The following MARCHF1 variants were observed in gnomAD, a reference collection of about 807,000 sequenced individuals.
The protein encoded by MARCHF1 is E3 ubiquitin-protein ligase MARCHF1.
Under a neutral mutation model 54.2 loss-of-function variants are expected in MARCHF1, and 40 were observed. The observed-to-expected ratio is 0.74, with a 90% CI of 0.57 to 0.96. The LOEUF is 0.96. MARCHF1 is among the 40% of genes least tolerant of loss of function. The pLI, the probability that MARCHF1 is intolerant of heterozygous loss-of-function variation, is 0.00. For synonymous variants in MARCHF1, 236 were observed against 236.3 expected (o/e 1.00, Z 0.01); for missense variants, 586 against 656.5 (o/e 0.89, Z 1.17).
chr4:164,199,078 G>A (rs549722119), intron 1 of MARCHF1, among the ~76,000 whole-genome samples: 3 of 152,242 alleles, frequency 2.0e-5, no homozygotes, highest in African/African-American at 7.2e-5. Context: ...TTACTGATGT[G>A]TGCTCAGATT....
intron 2 of MARCHF1, among the ~76,000 whole-genome samples, chr4:164,079,316 A>T (rs1343940781): frequency 6.6e-6 from 1 of 152,208 alleles, no homozygotes; most frequent in Non-Finnish European, 1.5e-5. Flanking sequence ...CTGAACAAAA[A>T]TGAAAAAGTT....
At chr4:164,003,150 A>G (rs1435734711) in intron 2 of MARCHF1, among the ~76,000 whole-genome samples, 1 of 152,012 alleles carries the variant, frequency 6.6e-6, no homozygotes, top group Non-Finnish European at 1.5e-5. Context: ...GAGGGCAATC[A>G]GTTAAATATT....
intron 7 of MARCHF1, among the ~76,000 whole-genome samples, chr4:163,587,582 C>G (rs1003442577): frequency 6.6e-6 from 1 of 151,992 alleles, no homozygotes; most frequent in Non-Finnish European, 1.5e-5. Flanking sequence ...CAGAGGGACA[C>G]AAAGATGGAA....
chr4:164,158,351 G>T (rs1044622639), intron 1 of MARCHF1, among the ~76,000 whole-genome samples: 2 of 152,052 alleles, frequency 1.3e-5, no homozygotes, highest in Admixed American at 1.3e-4. Flanking sequence ...AATATGGAGA[G>T]TGATAAAAGG....
chr4:163,887,759 C>A (rs1750571545), intron 3 of MARCHF1, among the ~76,000 whole-genome samples: 1 of 152,112 alleles, frequency 6.6e-6, no homozygotes, highest in African/African-American at 2.4e-5. Flanking sequence ...AAGTCAACAT[C>A]TTTAGTCCTT....
intron 4 of MARCHF1, among the ~76,000 whole-genome samples, chr4:163,789,107 T>C (rs1327915255): frequency 2.6e-5 from 4 of 152,074 alleles, no homozygotes. Flanking sequence ...CTCTTTTTCA[T>C]TTATGTATGT....
At chr4:163,793,750 CG>C (rs1747832999) in intron 4 of MARCHF1, among the ~76,000 whole-genome samples, 1 of 152,100 alleles carries the variant, frequency 6.6e-6, no homozygotes, top group Non-Finnish European at 1.5e-5. Flanking sequence ...TGTGAAAATC[CG>C]TGTCCTGTTC....
chr4:163,707,119 T>A (rs1436353600), intron 4 of MARCHF1, among the ~76,000 whole-genome samples: 2 of 152,086 alleles, frequency 1.3e-5, no homozygotes, highest in African/African-American at 4.8e-5. Context: ...TCTTAAATGT[T>A]AAAGATTAAA....
chr4:164,028,065 AAAATAAT>A lies in MARCHF1; in HGVS notation c.-247-39363_-247-39357del, dbSNP rs567988623. Among the ~76,000 whole-genome samples the A allele has an allele frequency of 4.6e-3, 695 of 152,310 alleles. 5 individuals carry two copies. The highest frequency in any genetic ancestry group is 7.6e-3 in the Non-Finnish European group (516 of 68,018). Reference sequence around the variant, plus strand: ...CAAAATGGCTATTATTAAAAAGTCAAAAATAATAGATGCTGAGTAGACTATGGAGAAA... The same window carrying A: ...CAAAATGGCTATTATTAAAAAGTCAAAGATGCTGAGTAGACTATGGAGAAA... On this transcript the variant is annotated intron_variant, in intron 2 of 9. Transcript: ENST00000514618.
At chr4:164,173,510 C>T (rs773127398) in intron 1 of MARCHF1, among the ~76,000 whole-genome samples, 3 of 152,046 alleles carry the variant, frequency 2.0e-5, no homozygotes, top group Non-Finnish European at 4.4e-5. Context: ...CCTCCAAATC[C>T]CATGTTGAAA....
intron 1 of MARCHF1, among the ~76,000 whole-genome samples, chr4:164,128,777 T>G (rs1431095306): frequency 6.6e-6 from 1 of 152,166 alleles, no homozygotes; most frequent in East Asian, 1.9e-4. Flanking sequence ...ATGAACAATC[T>G]GCTATAATCT....
At chr4:164,229,737 G>T (rs1403969247) in intron 1 of MARCHF1, among the ~76,000 whole-genome samples, 1 of 152,088 alleles carries the variant, frequency 6.6e-6, no homozygotes, top group Non-Finnish European at 1.5e-5. Context: ...GAAGGCGAAG[G>T]GGGAGTACAG....
At chr4:163,630,376 A>G (rs1321003089) in intron 5 of MARCHF1, among the ~76,000 whole-genome samples, 1 of 152,210 alleles carries the variant, frequency 6.6e-6, no homozygotes, top group African/African-American at 2.4e-5. Flanking sequence ...AATTCAAACA[A>G]TCCAGAGTGA....
At chr4:164,240,366 T>C (rs1474461103) in intron 1 of MARCHF1, among the ~76,000 whole-genome samples, 9 of 152,194 alleles carry the variant, frequency 5.9e-5, no homozygotes, top group Non-Finnish European at 1.0e-4. Context: ...CTTTTAGAGA[T>C]TGCTTTCTGC....
chr4:164,243,160 C>G (rs1450432463), intron 1 of MARCHF1, among the ~76,000 whole-genome samples: 6 of 130,774 alleles, frequency 4.6e-5, no homozygotes, highest in Non-Finnish European at 6.4e-5. Context: ...AAGAGCAACT[C>G]CAAGACACAT....
chr4:163,542,416 A>G (rs1185002377), intron 9 of MARCHF1, among the ~76,000 whole-genome samples: 3 of 152,188 alleles, frequency 2.0e-5, no homozygotes, highest in Non-Finnish European at 4.4e-5. Flanking sequence ...AAGACAGACA[A>G]TTAAATGAGC....
At chr4:163,736,297 T>A (rs990559500) in intron 4 of MARCHF1, among the ~76,000 whole-genome samples, 5 of 152,118 alleles carry the variant, frequency 3.3e-5, no homozygotes, top group African/African-American at 1.2e-4. Context: ...GTTAATCTGA[T>A]AGCCAAGAAA....
rs1168399132 is a variant in MARCHF1 at position 163,612,591 on chromosome 4, T to C, written c.690A>G (p.Leu230=). 2 of 1,535,618 alleles carry C rather than the reference T, an allele frequency of 1.3e-6. No homozygotes were observed. Among genetic ancestry groups the C allele is most frequent in the East Asian group, 4.9e-5 (2 of 40,884 alleles). The change falls in exon 7 of 10, where the codon TTA becomes TTG. Residue 230 remains leucine, a synonymous_variant. Coordinates refer to ENST00000514618, the MANE Select transcript of MARCHF1 (RefSeq NM_001394959.1). ...QELIECESCS[L]NLHRGKHTRY... is the part of the protein sequence containing the mutation. The stretch of plus-strand genomic sequence containing the variant: ...TTGTATGTTTTCCTCTGTGGAGATT[T>C]AAAGAGCAACTCTCACATTCAATCA...
intron 1 of MARCHF1, among the ~76,000 whole-genome samples, chr4:164,191,404 T>G (rs1297669955): frequency 6.6e-6 from 1 of 152,354 alleles, no homozygotes; most frequent in South Asian, 2.1e-4. Flanking sequence ...TAGTGTGTCA[T>G]CACGCATTGT....
Sources: allele counts gnomAD v4.1 joint callset (sites outside exome capture counted in the v4.1 genomes callset), GRCh38; gene constraint gnomAD v4.1.1; transcripts MANE v1.5; gene names NCBI Gene and HGNC (gene_info 2026-07-23, HGNC 2026-07-21).